STAM2: variants seen among roughly 807,000 people sequenced by gnomAD.
STAM2 encodes signal transducing adapter molecule 2.
Under a neutral mutation model 65.6 loss-of-function variants are expected in STAM2, and 51 were observed. The observed-to-expected ratio is 0.78, with a 90% CI of 0.62 to 0.98. The LOEUF (loss-of-function observed/expected upper bound fraction) is 0.98, where lower values mean the gene tolerates loss of function less well. Ranked by LOEUF, STAM2 falls within the 50% of genes least tolerant of loss-of-function variation. The pLI, the probability that STAM2 is intolerant of heterozygous loss-of-function variation, is 0.00. For missense variants in STAM2, 584 were observed against 617.8 expected (o/e 0.95, Z 0.58); for synonymous variants, 198 against 208.4 (o/e 0.95, Z 0.43).
intron 10 of STAM2, among the ~76,000 whole-genome samples, chr2:152,132,957 G>A (rs949382409): frequency 1.3e-5 from 2 of 151,882 alleles, no homozygotes; most frequent in African/African-American, 2.4e-5. Context: ...TTACTAGTGG[G>A]CTTAAAGAAA....
At chr2:152,173,988 G>T (rs1290570855) in intron 1 of STAM2, among the ~76,000 whole-genome samples, 1 of 151,976 alleles carries the variant, frequency 6.6e-6, no homozygotes, top group East Asian at 1.9e-4. Flanking sequence ...CAGTTTTTTT[G>T]TTTGTTTGTT....
At chr2:152,123,697 T>C in intron 13 of STAM2, 69 bp downstream of exon 13, 1 of 1,423,040 alleles carries the variant, frequency 7.0e-7, no homozygotes. Context: ...AATAAGGGTC[T>C]ATATATTCTC....
intron 5 of STAM2, among the ~76,000 whole-genome samples, 153 bp from the exon 6 acceptor site, chr2:152,145,110 C>T (rs372639756): frequency 6.6e-6 from 1 of 152,252 alleles, no homozygotes; most frequent in East Asian, 1.9e-4. Context: ...CTCATTCTGT[C>T]AGCCAGGTTG....
chr2:152,165,991 C>G (rs1172157319), intron 1 of STAM2, among the ~76,000 whole-genome samples: 1 of 152,044 alleles, frequency 6.6e-6, no homozygotes, highest in African/African-American at 2.4e-5. Context: ...TTACATAAGG[C>G]CAGGAGTTGC....
intron 12 of STAM2, chr2:152,124,189 T>C: frequency 2.4e-6 from 1 of 421,392 alleles, no homozygotes; most frequent in Non-Finnish European, 4.3e-6. Context: ...GGTGTACTTT[T>C]AAGTAGTGGA....
At chr2:152,164,532 G>T (rs1400197297) in intron 1 of STAM2, among the ~76,000 whole-genome samples, 1 of 152,148 alleles carries the variant, frequency 6.6e-6, no homozygotes, top group Non-Finnish European at 1.5e-5. Context: ...AGTAGGGACA[G>T]GGTTTTTCCA....
chr2:152,148,326 C>G (rs995290992), intron 2 of STAM2, 26 bp from the exon 3 acceptor site: 4 of 1,497,530 alleles, frequency 2.7e-6, no homozygotes, highest in African/African-American at 1.4e-5. Context: ...GAGAGAGAGA[C>G]AGTTAAGTAT....
chr2:152,122,058 AT>A (rs773472412), intron 13 of STAM2, among the ~76,000 whole-genome samples: 6,550 of 112,002 alleles, frequency 0.058, 428 homozygotes, highest in African/African-American at 0.19. Flanking sequence ...CAAAAAAAAA[AT>A]ATATATATAT....
intron 1 of STAM2, among the ~76,000 whole-genome samples, chr2:152,169,021 GTTTCT>G (rs1441085209): frequency 6.6e-6 from 1 of 152,156 alleles, no homozygotes; most frequent in East Asian, 1.9e-4. Context: ...GTGGAGAAGG[GTTTCT>G]TTTCTTTACT....
intron 1 of STAM2, among the ~76,000 whole-genome samples, chr2:152,159,110 T>TAC (rs1553847557): frequency 9.1e-4 from 117 of 129,060 alleles, no homozygotes; most frequent in African/African-American, 2.0e-3. Context: ...TATATATATA[T>TAC]ACACACACAG....
chr2:152,121,661 T>C (rs1448120475), intron 13 of STAM2, among the ~76,000 whole-genome samples: 3 of 152,214 alleles, frequency 2.0e-5, no homozygotes, highest in African/African-American at 7.2e-5. Context: ...GTTTCTTTAT[T>C]GACACTTCAC....
intron 7 of STAM2, among the ~76,000 whole-genome samples, chr2:152,141,739 C>T (rs549621428): frequency 4.0e-5 from 6 of 151,606 alleles, no homozygotes; most frequent in African/African-American, 7.3e-5. Flanking sequence ...TACAGGCGTG[C>T]GCCACCATGC....
chr2:152,149,106 T>C (rs1689391814), intron 2 of STAM2, among the ~76,000 whole-genome samples: 1 of 152,206 alleles, frequency 6.6e-6, no homozygotes, highest in Non-Finnish European at 1.5e-5. Context: ...ACTTTTTTCA[T>C]TGTTAATCTA....
At chr2:152,140,044 C>T (rs1038090447) in intron 7 of STAM2, among the ~76,000 whole-genome samples, 1 of 152,100 alleles carries the variant, frequency 6.6e-6, no homozygotes, top group African/African-American at 2.4e-5. Context: ...AACAGGGGTT[C>T]TGGAACCAAC....
At chr2:152,121,498 T>C (rs1335802822) in intron 13 of STAM2, among the ~76,000 whole-genome samples, 2 of 152,138 alleles carry the variant, frequency 1.3e-5, no homozygotes, top group Non-Finnish European at 2.9e-5. Context: ...ATATTCTCCC[T>C]TCCCCATCTC....
intron 1 of STAM2, among the ~76,000 whole-genome samples, chr2:152,168,049 A>G (rs975971032): frequency 6.6e-6 from 1 of 152,210 alleles, no homozygotes; most frequent in Non-Finnish European, 1.5e-5. Context: ...AGAGATAAAG[A>G]AATGATATAT....
rs975247848 is a variant in STAM2 at position 152,118,492 on chromosome 2, T to G, written c.*2082A>C. The stretch of plus-strand genomic sequence containing the variant: ...ATGTTTTATTATTCTAAAACTACAT[T>G]ATTTATAATGGCTGATCCCAATTTA... On this transcript the variant is annotated 3_prime_UTR_variant, in exon 14 of 14. Transcript: ENST00000263904. The G allele has an allele frequency of 1.3e-5, 2 of 150,304 alleles. No homozygotes were observed. The highest frequency in any genetic ancestry group is 6.7e-5 in the Admixed American group (1 of 15,012). 9.3% of individuals were successfully genotyped at this position (150,304 alleles called of 1,614,324 possible).
At chr2:152,159,942 G>C in intron 1 of STAM2, among the ~76,000 whole-genome samples, 1 of 152,250 alleles carries the variant, frequency 6.6e-6, no homozygotes, top group South Asian at 2.1e-4. Context: ...TGTTGGCCGG[G>C]CTGGTCTCCA....
chr2:152,122,298 G>A (rs988109882), intron 13 of STAM2, among the ~76,000 whole-genome samples: 4 of 151,802 alleles, frequency 2.6e-5, no homozygotes, highest in Non-Finnish European at 5.9e-5. Context: ...TGTAGTATGC[G>A]CCTGTGGTCT....
Sources: gnomAD v4.1 joint callset for allele counts (sites outside exome capture counted in the v4.1 genomes callset) on GRCh38, gnomAD v4.1.1 for gene constraint, MANE v1.5 for transcripts, NCBI Gene and HGNC (gene_info 2026-07-23, HGNC 2026-07-21) for gene names.